The following TRERF1 variants were observed in gnomAD, a reference collection of about 807,000 sequenced individuals.
TRERF1 encodes transcriptional regulating factor 1, also known as transcriptional-regulating factor 1.
A neutral mutation model predicts 122.9 loss-of-function variants in TRERF1; 27 were observed. The observed-to-expected ratio is 0.22, with a 90% CI of 0.16 to 0.30. The LOEUF (loss-of-function observed/expected upper bound fraction) is 0.30. Ranked by LOEUF, TRERF1 falls within the 10% of genes least tolerant of loss-of-function variation. The pLI, the probability that TRERF1 is intolerant of heterozygous loss-of-function variation, is 1.00. For synonymous variants in TRERF1, 636 were observed against 641.7 expected, an observed-to-expected ratio of 0.99 and a Z score of 0.13; for missense variants, 1,248 against 1,560.3, an observed-to-expected ratio of 0.80 and a Z score of 3.37.
intron 2 of TRERF1, among the ~76,000 whole-genome samples, chr6:42,378,544 ATGCAGAGGTC>A (rs1186756084): frequency 6.6e-6 from 1 of 152,222 alleles, no homozygotes; most frequent in Non-Finnish European, 1.5e-5. Context: ...AGAATTTCAA[ATGCAGAGGTC>A]TACATGGATT....
chr6:42,359,875 G>A (rs370430373), intron 3 of TRERF1, among the ~76,000 whole-genome samples: 56 of 152,076 alleles, frequency 3.7e-4, no homozygotes, highest in African/African-American at 1.2e-3. Flanking sequence ...ATATTCTAGA[G>A]GTTCTATCTA....
intron 2 of TRERF1, among the ~76,000 whole-genome samples, chr6:42,406,561 G>T (rs1287211542): frequency 6.6e-6 from 1 of 152,148 alleles, no homozygotes; most frequent in Admixed American, 6.5e-5. Context: ...ACAGACCTGG[G>T]TATGTCCAGT....
At chr6:42,441,600 TGG>T (rs1786527392) in intron 2 of TRERF1, among the ~76,000 whole-genome samples, 1 of 151,802 alleles carries the variant, frequency 6.6e-6, no homozygotes, top group African/African-American at 2.4e-5. Context: ...GGACTGGGCC[TGG>T]TAGCAGAGAA....
intron 4 of TRERF1, among the ~76,000 whole-genome samples, chr6:42,284,889 C>T (rs896591289): frequency 1.3e-5 from 2 of 152,144 alleles, no homozygotes; most frequent in East Asian, 1.9e-4. Flanking sequence ...TCAGGCAGAG[C>T]GCTGGGGTCC....
At chr6:42,429,420 G>A (rs1396437592) in intron 2 of TRERF1, among the ~76,000 whole-genome samples, 2 of 152,164 alleles carry the variant, frequency 1.3e-5, no homozygotes, top group Non-Finnish European at 2.9e-5. Flanking sequence ...AAACCACGGA[G>A]GGGGGGAAAT....
At chr6:42,339,625 G>C (rs1271424004) in intron 3 of TRERF1, among the ~76,000 whole-genome samples, 1 of 152,228 alleles carries the variant, frequency 6.6e-6, no homozygotes, top group Non-Finnish European at 1.5e-5. Flanking sequence ...TATTTCACAA[G>C]TGTGTTTATG....
chr6:42,350,023 T>C (rs574710509), intron 3 of TRERF1, among the ~76,000 whole-genome samples: 21 of 152,308 alleles, frequency 1.4e-4, no homozygotes, highest in African/African-American at 5.1e-4. Context: ...TAGTGGACTA[T>C]CATATTTAGA....
chr6:42,416,954 G>C (rs1781916491), intron 2 of TRERF1, among the ~76,000 whole-genome samples: 1 of 151,922 alleles, frequency 6.6e-6, no homozygotes, highest in Non-Finnish European at 1.5e-5. Context: ...TCTAAACATA[G>C]AAAAAGATCC....
chr6:42,408,160 T>C (rs1369050426), intron 2 of TRERF1, among the ~76,000 whole-genome samples: 1 of 150,352 alleles, frequency 6.7e-6, no homozygotes, highest in Non-Finnish European at 1.5e-5. Context: ...GTCTTATCCA[T>C]TGGTTTATTA....
intron 3 of TRERF1, among the ~76,000 whole-genome samples, chr6:42,306,133 C>G (rs1466424259): frequency 6.6e-6 from 1 of 150,504 alleles, no homozygotes; most frequent in Non-Finnish European, 1.5e-5. Flanking sequence ...TCTCGAGTAG[C>G]TGGGATTACA....
At chr6:42,301,632 A>G (rs1027844932) in intron 3 of TRERF1, among the ~76,000 whole-genome samples, 10 of 152,240 alleles carry the variant, frequency 6.6e-5, no homozygotes, top group Non-Finnish European at 5.9e-5. Flanking sequence ...AGATACTGAT[A>G]CAAAGTGCAA....
Position 42,269,355 on chromosome 6 carries a change from G to A in TRERF1, c.236C>T (p.Thr79Ile). The A allele has an allele frequency of 6.2e-7, 1 of 1,614,176 alleles. No homozygotes were observed. Among genetic ancestry groups the A allele is most frequent in the Non-Finnish European group, 8.5e-7 (1 of 1,180,032 alleles). The stretch of plus-strand genomic sequence containing the variant: ...ACTTCCCCACCCTCCCTGCCTCGAG[G>A]TATCCATTTGGCCAAGGTTTTTGGA... Residue 79 changes from threonine to isoleucine, a missense_variant, in exon 5 of 18, where the codon ACC becomes ATC. By Grantham distance (89) the Thr-to-Ile change is moderately conservative. Around this residue, in one of 5 missense-constraint regions of TRERF1, gnomAD observed 946 missense variants for 1,073.0 expected, o/e 0.88. Transcript: ENST00000372922. This position sits in a 1 kb window ranked among gnomAD's most constrained non-coding sequence, Gnocchi z 4.9.
rs878980808 is a variant in TRERF1, at chr6:42,262,609, C to CAGACAGACAGAG, written c.1884+710_1884+711insCTCTGTCTGTCT. On this transcript the variant is annotated intron_variant, in intron 8 of 17. Transcript: ENST00000372922. ...AGAGAGAGAGAGAGAGACAGACAGA[C>CAGACAGACAGAG]GGAAACCCTTCCCAGAGGCAAATTA... 2.2e-3 allele frequency among the ~76,000 whole-genome samples: 41 copies of CAGACAGACAGAG among 19,034 alleles called. 11 individuals are homozygous for CAGACAGACAGAG. The highest frequency in any genetic ancestry group is 7.1e-3 in the African/African-American group (31 of 4,366). 12.5% of individuals were successfully genotyped at this position (19,034 alleles called of 152,430 possible). A position where few individuals can be genotyped will look rare whatever the true frequency, so the allele number is the denominator to read the frequency against.
chr6:42,269,344 C>A lies in TRERF1; in HGVS notation c.247G>T (p.Gly83Ter). ...GGCCCTGCATGACTTCCCCACCCTC[C>A]CTGCCTCGAGGTATCCATTTGGCCA... The change falls in exon 5 of 18, where the codon GGA (glycine) becomes TGA (stop). Residue 83 changes from glycine to a stop codon, truncating the protein, a stop_gained. Transcript: ENST00000372922. LOFTEE classifies it high-confidence loss of function. The surrounding 1 kb of genome is among the most constrained non-coding windows in gnomAD (Gnocchi z 4.9). 6.2e-7 allele frequency: 1 copy of A among 1,614,176 alleles called. No homozygotes were observed. Among genetic ancestry groups the A allele is most frequent in the Non-Finnish European group, 8.5e-7 (1 of 1,180,032 alleles).
chr6:42,411,104 C>A (rs1781034863), intron 2 of TRERF1, among the ~76,000 whole-genome samples: 1 of 152,252 alleles, frequency 6.6e-6, no homozygotes, highest in Non-Finnish European at 1.5e-5. Context: ...GGATGGGCAA[C>A]CCTCTGCAAC....
intron 2 of TRERF1, among the ~76,000 whole-genome samples, chr6:42,438,206 GCCACC>G (rs1209754410): frequency 6.6e-6 from 1 of 151,790 alleles, no homozygotes; most frequent in Non-Finnish European, 1.5e-5. Flanking sequence ...ACAAGAGTGA[GCCACC>G]GTGAGCGGCT....
chr6:42,374,136 TTA>T (rs1491439158), intron 2 of TRERF1, among the ~76,000 whole-genome samples: 1 of 131,224 alleles, frequency 7.6e-6, no homozygotes, highest in African/African-American at 3.4e-5. Context: ...TGTCTTTTTT[TTA>T]AAAAAAAAAA....
At chr6:42,303,877 T>C (rs1361827570) in intron 3 of TRERF1, among the ~76,000 whole-genome samples, 1 of 124,284 alleles carries the variant, frequency 8.0e-6, no homozygotes, top group African/African-American at 3.2e-5. Flanking sequence ...CACTCCAGCC[T>C]GGGTGACAGA....
intron 2 of TRERF1, among the ~76,000 whole-genome samples, chr6:42,434,668 C>CCACACACACACACA (rs3075920): frequency 7.8e-5 from 9 of 114,896 alleles, no homozygotes; most frequent in African/African-American, 2.3e-4. Flanking sequence ...ACACCCTCCA[C>CCACACACACACACA]CACACACACA....
Sources: allele counts gnomAD v4.1 joint callset (sites outside exome capture counted in the v4.1 genomes callset), GRCh38; gene constraint gnomAD v4.1.1; regional missense constraint gnomAD v4.1.1; non-coding constraint Gnocchi (gnomAD v3.1); transcripts MANE v1.5; gene names NCBI Gene and HGNC (gene_info 2026-07-23, HGNC 2026-07-21).